ARK2N: variants seen among roughly 807,000 people sequenced by gnomAD.
ARK2N encodes protein ARK2N.
the ARK2N span, among the ~76,000 whole-genome samples, chr18:46,209,209 G>T: frequency 6.6e-6 from 1 of 150,974 alleles, no homozygotes. Flanking sequence ...ATTGTGAATT[G>T]TTCTGACTAT....
chr18:46,182,881 C>G, the ARK2N span, among the ~76,000 whole-genome samples: 1 of 151,994 alleles, frequency 6.6e-6, no homozygotes, highest in Non-Finnish European at 1.5e-5. Flanking sequence ...GGCTGGCAAG[C>G]AAGCAAAGCT....
At chr18:46,186,897 C>T in the ARK2N span, among the ~76,000 whole-genome samples, 3 of 151,298 alleles carry the variant, frequency 2.0e-5, no homozygotes, top group East Asian at 3.9e-4. Context: ...TCTTGTTGCC[C>T]AGGCTGGAGT....
At chr18:46,192,791 A>G in the ARK2N span, among the ~76,000 whole-genome samples, 13 of 150,846 alleles carry the variant, frequency 8.6e-5, no homozygotes, top group Admixed American at 7.9e-4. Context: ...GCTGGTCTTG[A>G]ACTCCTGACC....
At chr18:46,246,961 G>A in the ARK2N span, among the ~76,000 whole-genome samples, 14 of 149,834 alleles carry the variant, frequency 9.3e-5, no homozygotes, top group South Asian at 2.1e-4. Context: ...AAAAAAAATA[G>A]CAGACCCCAA....
chr18:46,200,972 C>CTTTTTTCT, the ARK2N span, among the ~76,000 whole-genome samples: 127 of 125,998 alleles, frequency 1.0e-3, no homozygotes, highest in Admixed American at 3.8e-3. Context: ...ACATCATTTT[C>CTTTTTTCT]TTTTTTCTTT....
At chr18:46,187,249 T>G in the ARK2N span, among the ~76,000 whole-genome samples, 33 of 149,978 alleles carry the variant, frequency 2.2e-4, no homozygotes, top group African/African-American at 7.6e-4. Flanking sequence ...GTCATTGCAC[T>G]CCAGCCTGGG....
At chr18:46,232,288 C>A in the ARK2N span, 1 of 152,090 alleles carries the variant, frequency 6.6e-6, no homozygotes, top group Non-Finnish European at 1.5e-5. Context: ...GGCAAGTTAT[C>A]TTACAAAAAG....
the ARK2N span, among the ~76,000 whole-genome samples, chr18:46,259,046 T>C: frequency 1.3e-5 from 2 of 152,338 alleles, no homozygotes; most frequent in South Asian, 4.1e-4. Flanking sequence ...AAAAGCCTTG[T>C]TCTGTCCTCA....
chr18:46,237,575 G>A, the ARK2N span, among the ~76,000 whole-genome samples: 56 of 152,176 alleles, frequency 3.7e-4, no homozygotes, highest in Non-Finnish European at 7.4e-5. Context: ...TTTTAGTAGA[G>A]ATGGGATTTC....
the ARK2N span, among the ~76,000 whole-genome samples, chr18:46,261,864 T>C: frequency 6.6e-6 from 1 of 152,210 alleles, no homozygotes; most frequent in South Asian, 2.1e-4. Context: ...GGGGCAGTTT[T>C]GCAACTGAAT....
At chr18:46,210,050 AC>A in the ARK2N span, among the ~76,000 whole-genome samples, 1 of 152,034 alleles carries the variant, frequency 6.6e-6, no homozygotes, top group African/African-American at 2.4e-5. Flanking sequence ...ACCTTCTAGG[AC>A]TTAAAAAAAA....
chr18:46,259,979 C>T, the ARK2N span, among the ~76,000 whole-genome samples: 2 of 136,926 alleles, frequency 1.5e-5, no homozygotes, highest in Non-Finnish European at 3.2e-5. Flanking sequence ...TCTCACCCTC[C>T]CAGAGTGCTG....
At chr18:46,253,312 G>A in the ARK2N span, among the ~76,000 whole-genome samples, 95,121 of 151,970 alleles carry the variant, frequency 0.63, 32,092 homozygotes, top group Non-Finnish European at 0.75. Context: ...TACGCAGGTC[G>A]TTTAAAAGCT....
the ARK2N span, among the ~76,000 whole-genome samples, chr18:46,241,550 C>T: frequency 2.0e-5 from 3 of 151,942 alleles, no homozygotes; most frequent in East Asian, 1.9e-4. Flanking sequence ...GGTGAAACCC[C>T]GTCTCTATTA....
the ARK2N span, among the ~76,000 whole-genome samples, chr18:46,229,939 G>GTTTT: frequency 6.7e-6 from 1 of 149,322 alleles, no homozygotes; most frequent in Non-Finnish European, 1.5e-5. Context: ...TTGTTTGTTT[G>GTTTT]TTTTTGAGAC....
At chr18:46,201,703 A>C in the ARK2N span, among the ~76,000 whole-genome samples, 1 of 151,086 alleles carries the variant, frequency 6.6e-6, no homozygotes, top group Admixed American at 6.6e-5. Context: ...TCTCCCTTTC[A>C]CTAGCGGTAT....
At chr18:46,216,570 C>G in the ARK2N span, 2 of 1,613,436 alleles carry the variant, frequency 1.2e-6, no homozygotes, top group Non-Finnish European at 1.7e-6. The surrounding 1 kb of genome is among the most constrained non-coding windows in gnomAD (Gnocchi z 4.3). Flanking sequence ...CAGGGAGCAG[C>G]AAGACAATCA....
the ARK2N span, among the ~76,000 whole-genome samples, chr18:46,215,570 G>A: frequency 6.6e-6 from 1 of 152,136 alleles, no homozygotes; most frequent in Non-Finnish European, 1.5e-5. Flanking sequence ...TTCATTACAT[G>A]TTGGCCTTTC....
chr18:46,234,397 C>T, the ARK2N span, among the ~76,000 whole-genome samples: 1 of 152,248 alleles, frequency 6.6e-6, no homozygotes, highest in African/African-American at 2.4e-5. Flanking sequence ...GGGGGTTTCA[C>T]TATGTTGCCC....
Sources: gnomAD v4.1 joint callset for allele counts (sites outside exome capture counted in the v4.1 genomes callset) on GRCh38, gnomAD v4.1.1 for gene constraint, Gnocchi (gnomAD v3.1) non-coding constraint, MANE v1.5 for transcripts, NCBI Gene and HGNC (gene_info 2026-07-23, HGNC 2026-07-21) for gene names.